Variants in PTPRT observed in about 807,000 individuals in gnomAD.
PTPRT encodes the protein protein tyrosine phosphatase receptor type T.
PTPRT carries 56 observed loss-of-function variants against 176.8 expected under a neutral mutation model. The ratio of observed to expected loss-of-function variants is 0.32; its 90% confidence interval spans 0.26 to 0.40. PTPRT has a LOEUF of 0.40. Ranked by LOEUF, PTPRT falls within the 10% of genes least tolerant of loss-of-function variation. The probability of loss-of-function intolerance (pLI) is 1.00; values close to 1 mark genes in which losing one functional copy is unlikely to be tolerated. For synonymous variants in PTPRT, 783 were observed against 739.0 expected, an observed-to-expected ratio of 1.06 and a Z score of -0.96; for missense variants, 1,540 against 1,908.2, an observed-to-expected ratio of 0.81 and a Z score of 3.60.
intron 8 of PTPRT, among the ~76,000 whole-genome samples, chr20:42,462,635 G>A (rs1363400845): frequency 6.6e-6 from 1 of 152,164 alleles, no homozygotes; most frequent in Non-Finnish European, 1.5e-5. Flanking sequence ...AGAGTGAAAT[G>A]TTTAAAATGA....
chr20:42,499,775 T>C lies in PTPRT; in HGVS notation c.1154-27213A>G, dbSNP rs542725586. Reference sequence around the variant, plus strand: ...TCCAACAAGATGTCCAATATATGTATTGAAAATAACCCTTGTATAAGTGGA... The same window carrying C: ...TCCAACAAGATGTCCAATATATGTACTGAAAATAACCCTTGTATAAGTGGA... On this transcript the variant is annotated intron_variant, in intron 7 of 30. Coordinates refer to ENST00000373187, the MANE Select transcript of PTPRT (RefSeq NM_007050.6). 6.3e-4 allele frequency among the ~76,000 whole-genome samples: 96 copies of C among 152,298 alleles called. 1 individual carries two copies. In the Middle Eastern group the frequency reaches 0.02, roughly 32 times the overall value.
chr20:42,084,881 G>C, intron 28 of PTPRT, 36 bp from the exon 29 acceptor site: 1 of 1,367,790 alleles, frequency 7.3e-7, no homozygotes, highest in Non-Finnish European at 9.6e-7. Context: ...TGTTCTGCTG[G>C]GGATGCTTGC....
At chr20:42,050,985 C>T in the PTPRT span, among the ~76,000 whole-genome samples, 2 of 152,224 alleles carry the variant, frequency 1.3e-5, no homozygotes, top group Non-Finnish European at 2.9e-5. Flanking sequence ...GCATCAGTGC[C>T]ACCTGGTGAG....
At chr20:42,250,652 C>A (rs1399019588) in intron 13 of PTPRT, among the ~76,000 whole-genome samples, 2 of 152,162 alleles carry the variant, frequency 1.3e-5, no homozygotes, top group Non-Finnish European at 2.9e-5. Context: ...CTAGCACAGG[C>A]CTCCCTCCTC....
intron 1 of PTPRT, among the ~76,000 whole-genome samples, chr20:42,957,121 T>A (rs1177630943): frequency 6.6e-6 from 1 of 152,074 alleles, no homozygotes; most frequent in Non-Finnish European, 1.5e-5. Flanking sequence ...TAGGACAGCA[T>A]CAAAAGCTGC....
intron 7 of PTPRT, among the ~76,000 whole-genome samples, chr20:42,474,884 C>G (rs1259582721): frequency 1.3e-5 from 2 of 152,104 alleles, no homozygotes; most frequent in African/African-American, 4.8e-5. Context: ...CGACACTCCT[C>G]CCCTGGGTTT....
chr20:42,080,826 G>A lies in PTPRT; in HGVS notation c.*53C>T, dbSNP rs1229553635. ...CCAGTTACTGCCATTCACACAAAAGGGGGCTTGGTCACAGCAGCCTCTGGA... is the reference window on the plus strand; with the variant it reads ...CCAGTTACTGCCATTCACACAAAAGAGGGCTTGGTCACAGCAGCCTCTGGA... On this transcript the variant is annotated 3_prime_UTR_variant, in exon 31 of 31. Transcript: ENST00000373187. 1.9e-6 allele frequency: 3 copies of A among 1,542,064 alleles called. No individual in the cohort carries two copies. Among genetic ancestry groups the A allele is most frequent in the Non-Finnish European group, 2.7e-6 (3 of 1,117,226 alleles).
intron 16 of PTPRT, among the ~76,000 whole-genome samples, chr20:42,182,907 G>GT (rs1555797577): frequency 6.9e-6 from 1 of 144,606 alleles, no homozygotes; most frequent in South Asian, 2.3e-4. Flanking sequence ...TACAAGCAGG[G>GT]GTGTGTGTGT....
intron 16 of PTPRT, among the ~76,000 whole-genome samples, chr20:42,162,091 T>G (rs1989628039): frequency 6.6e-6 from 1 of 152,194 alleles, no homozygotes; most frequent in Non-Finnish European, 1.5e-5. Context: ...AGTCTTGGAC[T>G]GCCAGAAGCT....
At chr20:42,592,293 C>T (rs1030256426) in intron 7 of PTPRT, among the ~76,000 whole-genome samples, 5 of 152,234 alleles carry the variant, frequency 3.3e-5, no homozygotes, top group East Asian at 1.9e-4. Context: ...GATTCTATTA[C>T]GATAAATATG....
At chr20:42,279,965 G>T (rs145584979) in intron 13 of PTPRT, among the ~76,000 whole-genome samples, 2 of 151,870 alleles carry the variant, frequency 1.3e-5, no homozygotes, top group East Asian at 3.9e-4. Context: ...AGCAGCTGCC[G>T]TGATGACAGA....
At chr20:42,043,282 C>G in the PTPRT span, among the ~76,000 whole-genome samples, 1 of 152,132 alleles carries the variant, frequency 6.6e-6, no homozygotes, top group Non-Finnish European at 1.5e-5. Context: ...ATTTGGGAAC[C>G]ACTGCCCTAG....
intron 7 of PTPRT, among the ~76,000 whole-genome samples, chr20:42,634,646 C>T (rs1261657801): frequency 3.9e-5 from 6 of 151,976 alleles, no homozygotes; most frequent in Admixed American, 6.6e-5. Flanking sequence ...AGATTCCTTG[C>T]ACCTTAAAAA....
At position 42,427,580 on chromosome 20, in the gene PTPRT, T is replaced by C. The variant is rs990234353; in HGVS notation, c.1560+20640A>G. ...CCTCCAGCATCTTTCATAAGAGCACTAATCCCATTAATAAGGGCAGACTCC... is the reference window on the plus strand; with the variant it reads ...CCTCCAGCATCTTTCATAAGAGCACCAATCCCATTAATAAGGGCAGACTCC... On this transcript the variant is annotated intron_variant, in intron 9 of 30. Coordinates refer to ENST00000373187, the MANE Select transcript of PTPRT (RefSeq NM_007050.6). 3.3e-5 allele frequency among the ~76,000 whole-genome samples: 5 copies of C among 152,224 alleles called. No individual in the cohort carries two copies. The Middle Eastern group carries it at 0.014, about 414-fold the overall frequency.
At chr20:42,094,876 C>T (rs1469412781) in intron 27 of PTPRT, among the ~76,000 whole-genome samples, 2 of 152,140 alleles carry the variant, frequency 1.3e-5, no homozygotes, top group Admixed American at 6.5e-5. Context: ...AGTGAGACTC[C>T]ATCTCAAAAT....
At chr20:42,565,417 G>A (rs1223181266) in intron 7 of PTPRT, among the ~76,000 whole-genome samples, 2 of 152,112 alleles carry the variant, frequency 1.3e-5, no homozygotes, top group Admixed American at 1.3e-4. Flanking sequence ...CATCACACAG[G>A]AGATGACAGG....
At chr20:42,521,989 T>C (rs1203961427) in intron 7 of PTPRT, among the ~76,000 whole-genome samples, 2 of 152,052 alleles carry the variant, frequency 1.3e-5, no homozygotes, top group East Asian at 1.9e-4. Context: ...ATGACCGCCC[T>C]TTCAATAAGT....
At chr20:42,049,526 A>C in the PTPRT span, among the ~76,000 whole-genome samples, 1 of 152,236 alleles carries the variant, frequency 6.6e-6, no homozygotes, top group African/African-American at 2.4e-5. Context: ...TATAAAATGC[A>C]ACTTTGAAAG....
chr20:43,128,489 C>T (rs1412587172), intron 1 of PTPRT, among the ~76,000 whole-genome samples: 1 of 152,172 alleles, frequency 6.6e-6, no homozygotes, highest in Non-Finnish European at 1.5e-5. Context: ...ATTCTTTTGG[C>T]CTGCCCCAGC....
Sources: gnomAD v4.1 joint callset for allele counts (sites outside exome capture counted in the v4.1 genomes callset) on GRCh38, gnomAD v4.1.1 for gene constraint, MANE v1.5 for transcripts, NCBI Gene and HGNC (gene_info 2026-07-23, HGNC 2026-07-21) for gene names.